BTD: variants seen among roughly 807,000 people sequenced by gnomAD.
The protein encoded by BTD is biotinidase.
Under a neutral mutation model 17.7 loss-of-function variants are expected in BTD, and 13 were observed. That is an observed-to-expected ratio of 0.74 (90% CI 0.48 to 1.17). The LOEUF is 1.17. Among genes scored for constraint, BTD ranks in the 50% most tolerant of loss-of-function variants. The pLI is 0.00. For synonymous variants in BTD, 240 were observed against 245.2 expected (o/e 0.98, Z 0.20); for missense variants, 674 against 650.4 (o/e 1.04, Z -0.39).
chr3:15,691,332 C>A (rs1448991762), intron 3 of BTD, among the ~76,000 whole-genome samples: 1 of 152,048 alleles, frequency 6.6e-6, no homozygotes, highest in East Asian at 1.9e-4. Flanking sequence ...ACCATGTTGG[C>A]CAGGATGGTC....
chr3:15,716,228 C>T (rs1007175481), downstream of BTD, among the ~76,000 whole-genome samples: 4 of 151,030 alleles, frequency 2.6e-5, no homozygotes, highest in South Asian at 4.2e-4. Context: ...GTAATCCACC[C>T]GCCTCGGCCT....
Position 15,635,501 on chromosome 3 carries a change from G to A in BTD, c.62G>A (p.Gly21Glu), listed in dbSNP as rs1417002076. ...TGCGGCTGTTACGTGGTTGCCCTGG[G>A]AGCCCACACCGGGGAGGAGAGCGTG... Reference protein sequence around the residue: ...FLCGCYVVALGAHTGEESVAD... With the variant: ...FLCGCYVVALEAHTGEESVAD... Residue 21 changes from glycine to glutamate, a missense_variant, in exon 2 of 4, where the codon GGA becomes GAA. Coordinates refer to ENST00000643237, the MANE Select transcript of BTD (RefSeq NM_001370658.1). The surrounding 1 kb of genome is among the most constrained non-coding windows in gnomAD (Gnocchi z 4.1). 2 of 1,614,202 alleles carry A rather than the reference G, an allele frequency of 1.2e-6. No individual in the cohort carries two copies. Among genetic ancestry groups the A allele is most frequent in the African/African-American group, 2.7e-5 (2 of 75,034 alleles).
chr3:15,705,554 T>C (rs2071239145), intron 3 of BTD, among the ~76,000 whole-genome samples: 1 of 152,216 alleles, frequency 6.6e-6, no homozygotes, highest in Admixed American at 6.5e-5. Context: ...CATGAAATTA[T>C]AAAACTGATA....
At chr3:15,721,608 C>T (rs146102738) in intron 4 of BTD, among the ~76,000 whole-genome samples, 152 of 152,120 alleles carry the variant, frequency 1.0e-3, no homozygotes, top group Non-Finnish European at 1.8e-3. Context: ...AAAAAATGAA[C>T]GGCATGTTCT....
chr3:15,694,041 A>G (rs886833442), intron 3 of BTD, among the ~76,000 whole-genome samples: 1 of 152,144 alleles, frequency 6.6e-6, no homozygotes, highest in East Asian at 1.9e-4. Flanking sequence ...TGGTCTCCTG[A>G]TTCTCAAAGT....
chr3:15,719,608 G>C (rs1034010603), intron 4 of BTD, among the ~76,000 whole-genome samples: 1 of 152,028 alleles, frequency 6.6e-6, no homozygotes, highest in African/African-American at 2.4e-5. Context: ...CTCACCTGTC[G>C]CCCAGGCTAG....
At chr3:15,621,538 TTGTC>T (rs1298264549) in intron 1 of BTD, among the ~76,000 whole-genome samples, 1 of 152,168 alleles carries the variant, frequency 6.6e-6, no homozygotes, top group African/African-American at 2.4e-5. Flanking sequence ...CCTCTTCAGA[TTGTC>T]TGTTTTTCTT....
At chr3:15,679,832 T>A (rs1174055897) in intron 3 of BTD, among the ~76,000 whole-genome samples, 1 of 151,918 alleles carries the variant, frequency 6.6e-6, no homozygotes, top group Admixed American at 6.6e-5. Context: ...CAACCCCAAA[T>A]TAAAAATATT....
At chr3:15,633,467 C>T (rs9866477) in intron 1 of BTD, among the ~76,000 whole-genome samples, 6,556 of 152,296 alleles carry the variant, frequency 0.043, 403 homozygotes, top group African/African-American at 0.14. Flanking sequence ...TAAATTTTAT[C>T]TTCTCCAGAT....
chr3:15,636,648 C>T (rs1458696930), intron 2 of BTD, among the ~76,000 whole-genome samples: 2 of 152,180 alleles, frequency 1.3e-5, no homozygotes, highest in Non-Finnish European at 2.9e-5. Context: ...GCAGAACCAG[C>T]AGGTCCTGCC....
intron 2 of BTD, among the ~76,000 whole-genome samples, chr3:15,638,767 A>G (rs1035958058): frequency 6.6e-6 from 1 of 152,230 alleles, no homozygotes; most frequent in African/African-American, 2.4e-5. Context: ...ACGGCCTACT[A>G]TGCGCCTAGG....
chr3:15,678,839 T>C (rs2067227364), intron 3 of BTD, among the ~76,000 whole-genome samples: 1 of 152,238 alleles, frequency 6.6e-6, no homozygotes, highest in Admixed American at 6.5e-5. Flanking sequence ...AAAAACCTTT[T>C]ATAATGTAAA....
intron 3 of BTD, chr3:15,677,045 A>G: frequency 6.2e-7 from 1 of 1,613,162 alleles, no homozygotes; most frequent in Non-Finnish European, 8.5e-7. Flanking sequence ...ACAAGGCACT[A>G]GTTTCATGAC....
downstream of BTD, among the ~76,000 whole-genome samples, chr3:15,715,389 A>C (rs190856998): frequency 6.6e-6 from 1 of 152,342 alleles, no homozygotes. Flanking sequence ...AAGTATTCTA[A>C]GTTTATGCTA....
chr3:15,696,136 G>A (rs1447003314), intron 3 of BTD: 3 of 1,562,156 alleles, frequency 1.9e-6, no homozygotes, highest in Non-Finnish European at 2.6e-6. Context: ...AATCTTACCA[G>A]CTGAAGACAT....
chr3:15,712,290 T>C (rs1295418887), exon 4 of BTD: 1 of 1,234,792 alleles, frequency 8.1e-7, no homozygotes, highest in Non-Finnish European at 1.2e-6. Context: ...TTAAATACAT[T>C]ACAAAGAGAC....
rs188908140 is a variant in BTD at position 15,676,891 on chromosome 3, A to G, written c.400-33169A>G. On this transcript the variant is annotated intron_variant, in intron 3 of 3. Transcript: ENST00000672141. ...TCTATGACTAATGAAACCTATTCCA[A>G]TAGTCACATGTTTAAAAAAATCCAT... 3,735 of 1,134,302 alleles carry G rather than the reference A, an allele frequency of 3.3e-3. 6 individuals carry two copies. The highest frequency in any genetic ancestry group is 4.1e-3 in the Non-Finnish European group (3,122 of 768,640). The allele number at this position is 1,134,302 out of a possible 1,614,324, so 70.3% of individuals were successfully genotyped here.
intron 2 of BTD, among the ~76,000 whole-genome samples, chr3:15,637,283 G>C (rs946692381): frequency 6.6e-6 from 1 of 151,944 alleles, no homozygotes; most frequent in Non-Finnish European, 1.5e-5. Flanking sequence ...TCTAATAAGG[G>C]CAGGGTAGAG....
intron 1 of BTD, among the ~76,000 whole-genome samples, chr3:15,625,951 T>C (rs1324049441): frequency 6.6e-6 from 1 of 152,276 alleles, no homozygotes; most frequent in Non-Finnish European, 1.5e-5. Flanking sequence ...GTTCATTGCC[T>C]GTTTATAAGT....
Sources: allele counts gnomAD v4.1 joint callset (sites outside exome capture counted in the v4.1 genomes callset), GRCh38; gene constraint gnomAD v4.1.1; non-coding constraint Gnocchi (gnomAD v3.1); transcripts MANE v1.5; gene names NCBI Gene and HGNC (gene_info 2026-07-23, HGNC 2026-07-21).